The following ADAM12 variants were observed in gnomAD, a reference collection of about 807,000 sequenced individuals.
ADAM12 encodes the protein ADAM metallopeptidase domain 12, also known as disintegrin and metalloproteinase domain-containing protein 12.
A neutral mutation model predicts 106.4 loss-of-function variants in ADAM12; 70 were observed. The ratio of observed to expected loss-of-function variants is 0.66; its 90% CI spans 0.54 to 0.80. ADAM12 has a LOEUF of 0.80. Among genes scored for constraint, ADAM12 ranks in the 30% least tolerant of loss-of-function variants. ADAM12 has a pLI of 0.00. For synonymous variants in ADAM12, 420 were observed against 433.5 expected (o/e 0.97, Z 0.39); for missense variants, 1,010 against 1,171.9 (o/e 0.86, Z 2.02).
intron 1 of ADAM12, among the ~76,000 whole-genome samples, chr10:126,370,634 G>C (rs961277221): frequency 6.6e-6 from 1 of 152,160 alleles, no homozygotes; most frequent in Non-Finnish European, 1.5e-5. Context: ...CTCAAGTATT[G>C]TTCTATCTCA....
chr10:126,324,270 G>A (rs1018811062), intron 2 of ADAM12, among the ~76,000 whole-genome samples: 1 of 152,258 alleles, frequency 6.6e-6, no homozygotes. Flanking sequence ...TTAAGAATGA[G>A]TGCTTAAGTG....
At chr10:126,337,365 C>T (rs566794503) in intron 1 of ADAM12, among the ~76,000 whole-genome samples, 13 of 152,330 alleles carry the variant, frequency 8.5e-5, no homozygotes, top group African/African-American at 2.9e-4. Context: ...GCTTATCCCA[C>T]CTTCCTCTTC....
rs146996418 is a variant in ADAM12 at position 126,033,759 on chromosome 10, G to A, written c.2529+2387C>T. 5.8e-3 allele frequency among the ~76,000 whole-genome samples: 877 copies of A among 152,310 alleles called. 4 individuals carry two copies. The highest frequency in any genetic ancestry group is 9.4e-3 in the Non-Finnish European group (642 of 68,024). ...CCCTTCCCTGGAACAGAGACTATGG[G>A]TAGAACTTTTAGTGGATTTCTCATC... On this transcript the variant is annotated intron_variant, in intron 21 of 22. Transcript: ENST00000448723.
Position 126,014,005 on chromosome 10 carries a change from C to CTGAG in ADAM12, c.*3270_*3273dup, listed in dbSNP as rs1953612580. 1 of 152,356 alleles carries CTGAG rather than the reference C, an allele frequency of 6.6e-6. No homozygotes were observed. The highest frequency in any genetic ancestry group is 1.5e-5 in the Non-Finnish European group (1 of 68,186). 9.4% of individuals were successfully genotyped at this position (152,356 alleles called of 1,614,324 possible). On this transcript the variant is annotated 3_prime_UTR_variant, in exon 23 of 23. Coordinates refer to ENST00000448723, the MANE Select transcript of ADAM12 (RefSeq NM_001288973.2). ...AGCGCAGTGAGGAAGGATCTCCAGC[C>CTGAG]TGAGTGTGCCGTGGGCCCCCCGAAT...
At chr10:126,359,009 G>A (rs183587536) in intron 1 of ADAM12, among the ~76,000 whole-genome samples, 164 of 152,318 alleles carry the variant, frequency 1.1e-3, no homozygotes, top group African/African-American at 3.7e-3. Flanking sequence ...TATGGTGGAA[G>A]GCAAGGAGGA....
intron 3 of ADAM12, among the ~76,000 whole-genome samples, chr10:126,240,646 A>G (rs1958504191): frequency 6.6e-6 from 1 of 152,248 alleles, no homozygotes; most frequent in South Asian, 2.1e-4. Flanking sequence ...AGCTGGAGGC[A>G]GAGACTTCCA....
At chr10:126,209,093 G>A (rs1957852177) in intron 3 of ADAM12, among the ~76,000 whole-genome samples, 1 of 152,202 alleles carries the variant, frequency 6.6e-6, no homozygotes, top group East Asian at 1.9e-4. Context: ...CCAAAGGAAA[G>A]AAGAACGCTG....
At chr10:126,129,036 G>A (rs1345277854) in intron 5 of ADAM12, among the ~76,000 whole-genome samples, 5 of 152,250 alleles carry the variant, frequency 3.3e-5, no homozygotes, top group Non-Finnish European at 7.3e-5. Context: ...TAACTATGAT[G>A]ACAACCAGTC....
At chr10:126,204,181 C>A (rs912782071) in intron 3 of ADAM12, among the ~76,000 whole-genome samples, 2 of 152,218 alleles carry the variant, frequency 1.3e-5, no homozygotes, top group African/African-American at 4.8e-5. Flanking sequence ...CCACCCCTGG[C>A]AGCCAGCTCC....
intron 3 of ADAM12, among the ~76,000 whole-genome samples, chr10:126,190,711 G>C (rs1356919296): frequency 6.6e-6 from 1 of 152,096 alleles, no homozygotes; most frequent in East Asian, 1.9e-4. Context: ...ATGAGAAGGT[G>C]GTGAGGAACA....
chr10:126,088,521 T>C (rs1046318292), intron 11 of ADAM12, among the ~76,000 whole-genome samples: 1 of 145,518 alleles, frequency 6.9e-6, no homozygotes, highest in African/African-American at 2.6e-5. Flanking sequence ...TCCAACATGA[T>C]GAAACCCCAT....
At chr10:126,159,925 T>C (rs2133738174) in intron 3 of ADAM12, among the ~76,000 whole-genome samples, 1 of 152,130 alleles carries the variant, frequency 6.6e-6, no homozygotes, top group South Asian at 2.1e-4. Flanking sequence ...TGTTATGTCT[T>C]CTCTTGTCTA....
rs200035027 is a variant in ADAM12, at chr10:126,049,271, T to G, written c.1899A>C (p.Thr633=). The change falls in exon 16 of 23, where the codon ACA becomes ACC. Residue 633 remains threonine, a synonymous_variant. Coordinates refer to ENST00000448723, the MANE Select transcript of ADAM12 (RefSeq NM_001288973.2). This position sits in a 1 kb window ranked among gnomAD's most constrained non-coding sequence, Gnocchi z 4.4. ...MPDPGLVLAG[T]KCADGKICLN... ...GTCTTACTTTTCCATCTGCACACTT[T>G]GTGCCTGCAAGCACAAGCCCTGGGT... 1.2e-6 allele frequency: 2 copies of G among 1,614,038 alleles called. No individual in the cohort carries two copies. Among genetic ancestry groups the G allele is most frequent in the Non-Finnish European group, 1.7e-6 (2 of 1,179,994 alleles).
rs541781135 is a variant in ADAM12 at position 126,272,145 on chromosome 10, C to A, written c.260+6770G>T. Among the ~76,000 whole-genome samples, 19 of 152,296 alleles carry A rather than the reference C, an allele frequency of 1.2e-4. No homozygotes were observed. The South Asian group carries it at 3.9e-3, about 32-fold the overall frequency. ...ATCCAGTTACTGTTTTTGTAATGAT[C>A]TGCTTAGTGTTGGGCTCCTTGACTA... On this transcript the variant is annotated intron_variant, in intron 3 of 22. Coordinates refer to ENST00000448723, the MANE Select transcript of ADAM12 (RefSeq NM_001288973.2).
chr10:126,017,467 C>A, intron 22 of ADAM12, 128 bp from the exon 23 acceptor site: 1 of 824,452 alleles, frequency 1.2e-6, no homozygotes, highest in Non-Finnish European at 1.8e-6. Context: ...ACCACTGCCC[C>A]TCATAACGGG....
intron 14 of ADAM12, among the ~76,000 whole-genome samples, chr10:126,061,697 G>C (rs905849999): frequency 2.0e-5 from 3 of 152,138 alleles, no homozygotes; most frequent in Non-Finnish European, 2.9e-5. Flanking sequence ...TGTTGGCCTC[G>C]AAGATGGAGG....
chr10:126,096,178 T>G (rs556035753), intron 10 of ADAM12, among the ~76,000 whole-genome samples: 1 of 152,220 alleles, frequency 6.6e-6, no homozygotes, highest in East Asian at 1.9e-4. Context: ...ATGTAGTCAG[T>G]CTAAGAACAT....
At position 126,388,420 on chromosome 10, in the gene ADAM12, T is replaced by C; in HGVS notation, c.-275A>G. 3.4e-6 allele frequency: 1 copy of C among 291,288 alleles called. No homozygotes were observed. The highest frequency in any genetic ancestry group is 6.2e-6 in the Non-Finnish European group (1 of 161,582). 18.0% of individuals were successfully genotyped at this position (291,288 alleles called of 1,614,324 possible). On this transcript the variant is annotated 5_prime_UTR_variant, in exon 1 of 23. Transcript: ENST00000448723. This position sits in a 1 kb window ranked among gnomAD's most constrained non-coding sequence, Gnocchi z 4.4. ...ACCGTTGCAATAAATGAGCAAACTG[T>C]CCGAGTTGGCCCGGGGACTAGGAAG...
At chr10:126,263,456 C>T (rs1959039242) in intron 3 of ADAM12, among the ~76,000 whole-genome samples, 1 of 147,092 alleles carries the variant, frequency 6.8e-6, no homozygotes, top group African/African-American at 2.5e-5. Flanking sequence ...CTATATCACA[C>T]TAGATCCTCT....
Sources: allele counts gnomAD v4.1 joint callset (sites outside exome capture counted in the v4.1 genomes callset), GRCh38; gene constraint gnomAD v4.1.1; non-coding constraint Gnocchi (gnomAD v3.1); transcripts MANE v1.5; gene names NCBI Gene and HGNC (gene_info 2026-07-23, HGNC 2026-07-21).